The following NSUN6 variants were observed in gnomAD, a reference collection of about 807,000 sequenced individuals.
The protein encoded by NSUN6 is tRNA (cytosine(72)-C(5))-methyltransferase NSUN6.
In NSUN6, 64 loss-of-function variants were observed where a neutral mutation model predicts 58.0. The ratio of observed to expected loss-of-function variants is 1.10; its 90% CI spans 0.90 to 1.36. The LOEUF (loss-of-function observed/expected upper bound fraction) is 1.36. Ranked by LOEUF, NSUN6 falls within the 40% of genes most tolerant of loss-of-function variation. The pLI is 0.00. For synonymous variants in NSUN6, 231 were observed against 193.9 expected (o/e 1.19, Z -1.59); for missense variants, 701 against 550.1 (o/e 1.27, Z -2.74).
intron 7 of NSUN6, 105 bp downstream of exon 7, chr10:18,596,103 T>C: frequency 1.1e-6 from 1 of 916,918 alleles, no homozygotes; most frequent in Non-Finnish European, 1.7e-6. Context: ...TCATTTTGGC[T>C]GAATCTGAAC....
chr10:18,572,148 A>G (rs1026722444), intron 8 of NSUN6, among the ~76,000 whole-genome samples: 17 of 150,430 alleles, frequency 1.1e-4, no homozygotes, highest in African/African-American at 4.2e-4. Context: ...TCCATTCTCC[A>G]TTCCACTCCA....
chr10:18,623,905 T>G (rs949564888), intron 3 of NSUN6, among the ~76,000 whole-genome samples: 1 of 152,144 alleles, frequency 6.6e-6, no homozygotes, highest in Non-Finnish European at 1.5e-5. Flanking sequence ...AAAACTTATC[T>G]GACTAGTCCC....
At chr10:18,553,407 C>T (rs11014852) in intron 8 of NSUN6, among the ~76,000 whole-genome samples, 110,231 of 150,202 alleles carry the variant, frequency 0.73, 40,390 homozygotes, top group East Asian at 0.97. Flanking sequence ...GAATGCAGAA[C>T]GGAGAATGGA....
rs537332838 is a variant in NSUN6, at chr10:18,584,067, T to C, written c.922+1882A>G. 9.2e-5 allele frequency among the ~76,000 whole-genome samples: 14 copies of C among 152,280 alleles called. No homozygotes were observed. The East Asian group carries it at 2.5e-3, about 27-fold the overall frequency. ...GACAGTCAATTTGCAGACCAAACCA[T>C]ACTGGCCAGCGAACTTTCACCTCCA... is the stretch of plus-strand genomic sequence containing the variant. On this transcript the variant is annotated intron_variant, in intron 8 of 10. Transcript: ENST00000377304.
At chr10:18,571,735 C>G (rs1055866111) in intron 8 of NSUN6, among the ~76,000 whole-genome samples, 42 of 151,548 alleles carry the variant, frequency 2.8e-4, no homozygotes, top group African/African-American at 9.2e-4. Flanking sequence ...ATTCCACATT[C>G]CATTCCATTC....
rs937682638 is a variant in NSUN6 at position 18,575,158 on chromosome 10, G to C, written c.922+10791C>G. ...CCTAACTACATCAAGGGACCAATTG[G>C]GGGCCCCAGGCCATGTGTGACATAA... On this transcript the variant is annotated intron_variant, in intron 8 of 10. Transcript: ENST00000377304. 2.0e-5 allele frequency among the ~76,000 whole-genome samples: 3 copies of C among 152,256 alleles called. No homozygotes were observed. In the South Asian group the frequency reaches 6.2e-4, roughly 32 times the overall value.
chr10:18,614,153 T>C (rs2058331134), intron 5 of NSUN6, among the ~76,000 whole-genome samples: 1 of 152,088 alleles, frequency 6.6e-6, no homozygotes, highest in Non-Finnish European at 1.5e-5. Flanking sequence ...ATCTAATTCT[T>C]TCTCCATCAT....
chr10:18,634,694 G>A (rs1488290699), intron 3 of NSUN6, among the ~76,000 whole-genome samples: 1 of 152,036 alleles, frequency 6.6e-6, no homozygotes, highest in Admixed American at 6.6e-5. Flanking sequence ...CCCAGGAGGC[G>A]GAGCTTGCAG....
At chr10:18,598,011 C>T (rs1038082272) in intron 6 of NSUN6, among the ~76,000 whole-genome samples, 4 of 152,136 alleles carry the variant, frequency 2.6e-5, no homozygotes, top group East Asian at 1.9e-4. Flanking sequence ...CCCTGTGACC[C>T]GAATGTATAC....
chr10:18,595,265 T>C (rs1275501896), intron 7 of NSUN6, among the ~76,000 whole-genome samples: 2 of 152,156 alleles, frequency 1.3e-5, no homozygotes, highest in Non-Finnish European at 2.9e-5. Context: ...TTTTGTGTCT[T>C]CACACATCAT....
chr10:18,596,708 C>T (rs575785183), intron 6 of NSUN6, among the ~76,000 whole-genome samples: 2 of 152,212 alleles, frequency 1.3e-5, no homozygotes, highest in South Asian at 2.1e-4. Context: ...ATTGCAGGAC[C>T]ACTCTGGACT....
intron 3 of NSUN6, among the ~76,000 whole-genome samples, chr10:18,622,957 T>C (rs1468668136): frequency 6.6e-6 from 1 of 152,224 alleles, no homozygotes; most frequent in African/African-American, 2.4e-5. Context: ...GATCCAAATG[T>C]AGCCTTTAGA....
intron 3 of NSUN6, among the ~76,000 whole-genome samples, chr10:18,622,501 G>C (rs556581217): frequency 6.6e-6 from 1 of 152,322 alleles, no homozygotes; most frequent in African/African-American, 2.4e-5. Context: ...ATTACCTGAG[G>C]TCAGGAGTTC....
chr10:18,560,230 C>T (rs535532099), intron 8 of NSUN6, among the ~76,000 whole-genome samples: 16 of 140,018 alleles, frequency 1.1e-4, no homozygotes, highest in South Asian at 2.3e-4. Flanking sequence ...TGGAATGGAA[C>T]GGAGAATGGC....
At chr10:18,607,053 A>C (rs560507349) in intron 6 of NSUN6, among the ~76,000 whole-genome samples, 2 of 152,312 alleles carry the variant, frequency 1.3e-5, no homozygotes, top group South Asian at 4.1e-4. Context: ...AAGCAAAAAT[A>C]ATTTTCAATA....
At chr10:18,599,182 C>T (rs1222938426) in intron 6 of NSUN6, among the ~76,000 whole-genome samples, 2 of 152,172 alleles carry the variant, frequency 1.3e-5, no homozygotes, top group East Asian at 3.9e-4. Flanking sequence ...GGACTACAGG[C>T]GTGTGCCACC....
chr10:18,647,793 C>T (rs1423719110), intron 2 of NSUN6, among the ~76,000 whole-genome samples: 9 of 126,606 alleles, frequency 7.1e-5, no homozygotes, highest in Non-Finnish European at 1.2e-4. Flanking sequence ...GGAGTGCAGT[C>T]ATGCAATTTC....
intron 8 of NSUN6, among the ~76,000 whole-genome samples, chr10:18,584,413 C>G (rs1349499798): frequency 1.3e-5 from 2 of 152,110 alleles, no homozygotes; most frequent in Non-Finnish European, 2.9e-5. Flanking sequence ...TTCCTTGTAC[C>G]AGACCTTATT....
chr10:18,571,950 C>T (rs2056390841), intron 8 of NSUN6, among the ~76,000 whole-genome samples: 1 of 151,072 alleles, frequency 6.6e-6, no homozygotes, highest in South Asian at 2.1e-4. Context: ...CATTCCATTC[C>T]ATTTTCTATT....
Sources: gnomAD v4.1 joint callset for allele counts (sites outside exome capture counted in the v4.1 genomes callset) on GRCh38, gnomAD v4.1.1 for gene constraint, MANE v1.5 for transcripts, NCBI Gene and HGNC (gene_info 2026-07-23, HGNC 2026-07-21) for gene names.